The following SNX24 variants were observed in gnomAD, a reference collection of about 807,000 sequenced individuals.
The protein encoded by SNX24 is sorting nexin 24.
Under a neutral mutation model 28.7 loss-of-function variants are expected in SNX24, and 22 were observed. That is an observed-to-expected ratio of 0.77 (90% CI 0.55 to 1.10). The LOEUF is 1.10. Ranked by LOEUF, SNX24 falls within the 50% of genes least tolerant of loss-of-function variation. SNX24 has a pLI of 0.00. For missense variants in SNX24, 221 were observed against 201.1 expected (o/e 1.10, Z -0.60); for synonymous variants, 69 against 71.5 (o/e 0.96, Z 0.18).
chr5:122,975,961 C>T (rs974691967), intron 3 of SNX24, among the ~76,000 whole-genome samples: 7 of 152,120 alleles, frequency 4.6e-5, no homozygotes, highest in Non-Finnish European at 1.0e-4. Flanking sequence ...ATTATTCTTA[C>T]ATAATTTGGC....
chr5:122,870,874 G>A (rs1755943670), intron 1 of SNX24, among the ~76,000 whole-genome samples: 1 of 152,192 alleles, frequency 6.6e-6, no homozygotes, highest in Non-Finnish European at 1.5e-5. Context: ...TGGAACACCA[G>A]CAAAGGAGGG....
At chr5:122,887,110 T>C (rs1756752127) in intron 1 of SNX24, among the ~76,000 whole-genome samples, 1 of 152,186 alleles carries the variant, frequency 6.6e-6, no homozygotes, top group Admixed American at 6.5e-5. Flanking sequence ...TGGGTGATAA[T>C]CATTAATAAA....
chr5:122,926,160 GAAC>G (rs1758685861), intron 1 of SNX24, among the ~76,000 whole-genome samples: 2 of 152,128 alleles, frequency 1.3e-5, no homozygotes, highest in African/African-American at 4.8e-5. Flanking sequence ...ACATGACCTG[GAAC>G]AACAACTGAA....
chr5:122,861,998 A>T (rs951359934), intron 1 of SNX24, among the ~76,000 whole-genome samples: 1 of 152,164 alleles, frequency 6.6e-6, no homozygotes, highest in African/African-American at 2.4e-5. Flanking sequence ...CCCCATTCCC[A>T]GTGGTTGCAT....
At chr5:122,988,295 G>C (rs184292818) in intron 3 of SNX24, among the ~76,000 whole-genome samples, 2 of 152,326 alleles carry the variant, frequency 1.3e-5, no homozygotes, top group Admixed American at 1.3e-4. Flanking sequence ...CATAGGCAGG[G>C]AGGAGAAGTG....
At chr5:122,993,230 T>G (rs1224981512) in intron 3 of SNX24, among the ~76,000 whole-genome samples, 1 of 151,986 alleles carries the variant, frequency 6.6e-6, no homozygotes, top group Non-Finnish European at 1.5e-5. Context: ...CAATGGGTTC[T>G]TCAGAGCACA....
chr5:122,932,811 A>G (rs1311961716), intron 1 of SNX24, among the ~76,000 whole-genome samples: 1 of 144,088 alleles, frequency 6.9e-6, no homozygotes, highest in Non-Finnish European at 1.5e-5. Context: ...GTGAGCCAAG[A>G]TTGCACCACT....
chr5:122,912,931 CCTTCAAGCAT>C (rs568518479), intron 1 of SNX24, among the ~76,000 whole-genome samples: 45 of 152,012 alleles, frequency 3.0e-4, no homozygotes, highest in Middle Eastern at 3.4e-3. Context: ...GAGCATGCTG[CCTTCAAGCAT>C]CTGTTTAACA....
At chr5:122,873,123 A>T (rs774944741) in intron 1 of SNX24, among the ~76,000 whole-genome samples, 8 of 152,104 alleles carry the variant, frequency 5.3e-5, no homozygotes, top group Admixed American at 1.3e-4. Context: ...CCACACCACC[A>T]TGCCTGGCTA....
intron 2 of SNX24, among the ~76,000 whole-genome samples, chr5:122,939,718 C>T (rs1759355681): frequency 6.6e-6 from 1 of 152,132 alleles, no homozygotes; most frequent in African/African-American, 2.4e-5. Flanking sequence ...CTGGGCAACA[C>T]CCTAGATGTA....
intron 5 of SNX24, among the ~76,000 whole-genome samples, chr5:123,024,753 G>C (rs929937474): frequency 1.3e-5 from 2 of 152,206 alleles, no homozygotes; most frequent in Admixed American, 1.3e-4. Context: ...CAGCGAGCAA[G>C]ACTGGTTTAT....
chr5:122,940,343 A>G (rs1021153308), intron 2 of SNX24, among the ~76,000 whole-genome samples: 5 of 152,066 alleles, frequency 3.3e-5, no homozygotes, highest in African/African-American at 1.2e-4. Flanking sequence ...TATTACTACT[A>G]TATATCAGTA....
downstream of SNX24, among the ~76,000 whole-genome samples, chr5:123,009,898 G>A (rs1249174443): frequency 6.6e-6 from 1 of 152,232 alleles, no homozygotes; most frequent in Admixed American, 6.5e-5. Context: ...TTAGGGGGCT[G>A]TGAGCGAAGC....
At chr5:122,897,952 A>G (rs757607447) in intron 1 of SNX24, among the ~76,000 whole-genome samples, 15 of 152,222 alleles carry the variant, frequency 9.9e-5, no homozygotes, top group Non-Finnish European at 2.1e-4. Context: ...CATGATGGTC[A>G]CTTAACTCAT....
Position 123,007,838 on chromosome 5 carries a change from A to G in SNX24, c.*89A>G, listed in dbSNP as rs549585259. 2.6e-5 allele frequency: 41 copies of G among 1,549,126 alleles called. No individual in the cohort carries two copies. In the African/African-American group the frequency reaches 2.6e-4, roughly 10 times the overall value. On this transcript the variant is annotated 3_prime_UTR_variant, in exon 7 of 7. Coordinates refer to ENST00000261369, the MANE Select transcript of SNX24 (RefSeq NM_014035.4). ...CTACCAATTTAACCTAAACGCTATG[A>G]TATATAACAGCTCTAGCTAGTGGTA...
chr5:122,886,886 T>C (rs925053864), intron 1 of SNX24, among the ~76,000 whole-genome samples: 3 of 152,114 alleles, frequency 2.0e-5, no homozygotes, highest in Non-Finnish European at 4.4e-5. Flanking sequence ...GCAAGAACCT[T>C]AGCACACCTT....
intron 1 of SNX24, among the ~76,000 whole-genome samples, chr5:122,886,544 G>A (rs1041881691): frequency 6.6e-6 from 1 of 152,192 alleles, no homozygotes; most frequent in African/African-American, 2.4e-5. Flanking sequence ...GCCGGGCGCA[G>A]TGGCTCATGC....
chr5:122,930,043 A>G (rs1758882675), intron 1 of SNX24, among the ~76,000 whole-genome samples: 1 of 152,190 alleles, frequency 6.6e-6, no homozygotes, highest in Non-Finnish European at 1.5e-5. Context: ...CTTTGAAGAC[A>G]TTTGGAGCCA....
intron 3 of SNX24, among the ~76,000 whole-genome samples, chr5:122,963,173 G>A (rs1760557838): frequency 6.6e-6 from 1 of 152,208 alleles, no homozygotes; most frequent in Admixed American, 6.5e-5. Context: ...GGCACAAGTT[G>A]CAATGAGCCG....
Sources: gnomAD v4.1 joint callset for allele counts (sites outside exome capture counted in the v4.1 genomes callset) on GRCh38, gnomAD v4.1.1 for gene constraint, MANE v1.5 for transcripts, NCBI Gene and HGNC (gene_info 2026-07-23, HGNC 2026-07-21) for gene names.